The following TMEM200A variants were observed in gnomAD, a reference collection of about 807,000 sequenced individuals.
The protein encoded by TMEM200A is two transmembrane C.
TMEM200A carries 12 observed loss-of-function variants against 24.3 expected under a neutral mutation model. The ratio of observed to expected loss-of-function variants is 0.49; its 90% confidence interval spans 0.32 to 0.80. The LOEUF (loss-of-function observed/expected upper bound fraction) is 0.80, where lower values mean the gene tolerates loss of function less well. TMEM200A is among the 30% of genes least tolerant of loss of function. TMEM200A has a pLI of 0.04. For synonymous variants in TMEM200A, 224 were observed against 224.4 expected, an observed-to-expected ratio of 1.00 and a Z score of 0.02; for missense variants, 545 against 614.4, an observed-to-expected ratio of 0.89 and a Z score of 1.19.
chr6:130,408,151 A>G (rs1402724339), intron 2 of TMEM200A, among the ~76,000 whole-genome samples: 1 of 152,160 alleles, frequency 6.6e-6, no homozygotes, highest in Non-Finnish European at 1.5e-5. Flanking sequence ...AGTGGCCCAA[A>G]GGAAGGAGTT....
At chr6:130,367,349 C>T (rs919405709) in intron 1 of TMEM200A, among the ~76,000 whole-genome samples, 11 of 152,122 alleles carry the variant, frequency 7.2e-5, no homozygotes, top group African/African-American at 2.7e-4. Flanking sequence ...TAGTTATGGA[C>T]AACTGCATAG....
intron 2 of TMEM200A, among the ~76,000 whole-genome samples, chr6:130,419,236 C>T (rs1779525401): frequency 6.6e-6 from 1 of 152,176 alleles, no homozygotes; most frequent in African/African-American, 2.4e-5. Context: ...CATGTTGCTG[C>T]AGATGACATG....
intron 1 of TMEM200A, chr6:130,383,089 A>G (rs1778638450): frequency 1.0e-6 from 1 of 984,786 alleles, no homozygotes; most frequent in Non-Finnish European, 1.2e-6. Context: ...TTGCTCAGGC[A>G]TTATTAAATT....
At chr6:130,416,888 TTTCA>T (rs1205190527) in intron 2 of TMEM200A, among the ~76,000 whole-genome samples, 1 of 152,116 alleles carries the variant, frequency 6.6e-6, no homozygotes, top group Non-Finnish European at 1.5e-5. Context: ...CCACATTGTT[TTTCA>T]TTCATTTCTT....
At chr6:130,422,214 T>C (rs751222032) in intron 2 of TMEM200A, among the ~76,000 whole-genome samples, 40 of 152,152 alleles carry the variant, frequency 2.6e-4, no homozygotes, top group Non-Finnish European at 5.4e-4. Context: ...CCAGCACTTA[T>C]CTTTTGTCTT....
At chr6:130,393,418 C>T (rs377633760) in intron 2 of TMEM200A, among the ~76,000 whole-genome samples, 1 of 152,146 alleles carries the variant, frequency 6.6e-6, no homozygotes. Context: ...CAAATGTTGT[C>T]ACATCATTGC....
At chr6:130,432,270 G>A (rs921931670) in intron 2 of TMEM200A, among the ~76,000 whole-genome samples, 3 of 152,124 alleles carry the variant, frequency 2.0e-5, no homozygotes, top group African/African-American at 4.8e-5. Flanking sequence ...ATTGCATCAC[G>A]AAGTTAACTA....
intron 2 of TMEM200A, among the ~76,000 whole-genome samples, chr6:130,432,983 A>T (rs1419395348): frequency 6.6e-6 from 1 of 152,202 alleles, no homozygotes; most frequent in Non-Finnish European, 1.5e-5. Flanking sequence ...TATACTGTGT[A>T]TCAAAGAAGG....
At chr6:130,437,411 G>A (rs551113736) in intron 2 of TMEM200A, 1 of 152,236 alleles carries the variant, frequency 6.6e-6, no homozygotes, top group East Asian at 1.9e-4. Flanking sequence ...TCCTTCATTA[G>A]GTTTCAAGCT....
At chr6:130,382,005 A>C (rs1330697382) in intron 1 of TMEM200A, 1 of 978,448 alleles carries the variant, frequency 1.0e-6, no homozygotes, top group African/African-American at 1.8e-5. Flanking sequence ...AGTTTTAAAG[A>C]TATATTGTGA....
intron 2 of TMEM200A, among the ~76,000 whole-genome samples, chr6:130,422,522 C>T (rs923657911): frequency 2.6e-5 from 4 of 152,256 alleles, no homozygotes; most frequent in African/African-American, 9.6e-5. Context: ...CTGCCTCGGC[C>T]TCCCAAAGTG....
At chr6:130,381,461 A>G (rs760695433) in intron 1 of TMEM200A, among the ~76,000 whole-genome samples, 1 of 152,148 alleles carries the variant, frequency 6.6e-6, no homozygotes, top group Non-Finnish European at 1.5e-5. Context: ...TTTCCTGATG[A>G]GAGAGGATAT....
intron 2 of TMEM200A, among the ~76,000 whole-genome samples, chr6:130,401,724 T>G (rs1254548252): frequency 6.6e-6 from 1 of 152,028 alleles, no homozygotes; most frequent in African/African-American, 2.4e-5. Context: ...CACTTCACAC[T>G]TTTTCCATAC....
Position 130,442,757 on chromosome 6 carries a change from C to T in TMEM200A, c.*859C>T, listed in dbSNP as rs1562171194. 6.0e-6 allele frequency: 1 copy of T among 166,950 alleles called. No individual in the cohort carries two copies. The highest frequency in any genetic ancestry group is 1.5e-5 in the Non-Finnish European group (1 of 68,080). 10.3% of individuals were successfully genotyped at this position (166,950 alleles called of 1,614,324 possible). ...TAGTTAATGCTAACTAGTCTCAGTA[C>T]CTGTTTTTAGCCATCTGTTACTGTC... On this transcript the variant is annotated 3_prime_UTR_variant, in exon 3 of 3. Transcript: ENST00000296978.
Position 130,426,460 on chromosome 6 carries a change from G to GCCC in TMEM200A, c.-16-13938_-16-13936dup, listed in dbSNP as rs762866765. On this transcript the variant is annotated intron_variant, in intron 2 of 2. Transcript: ENST00000296978. ...GTTAAGGAGAAGAATCCTTTCTGCA[G>GCCC]CCCCCCCCCCCTCAGTTTCCCTTCA... Among the ~76,000 whole-genome samples the GCCC allele has an allele frequency of 1.4e-3, 204 of 141,278 alleles. 2 individuals carry two copies. Among genetic ancestry groups the GCCC allele is most frequent in the African/African-American group, 4.8e-3 (184 of 38,522 alleles). 92.7% of individuals were successfully genotyped at this position (141,278 alleles called of 152,430 possible).
At chr6:130,387,382 C>G (rs1307854536) in intron 2 of TMEM200A, among the ~76,000 whole-genome samples, 1 of 152,102 alleles carries the variant, frequency 6.6e-6, no homozygotes, top group Non-Finnish European at 1.5e-5. Context: ...AAGTGATTCT[C>G]CCACCTCAGC....
At chr6:130,408,123 C>T (rs898624109) in intron 2 of TMEM200A, among the ~76,000 whole-genome samples, 14 of 152,036 alleles carry the variant, frequency 9.2e-5, no homozygotes, top group African/African-American at 1.9e-4. Flanking sequence ...AAAAGTGCCC[C>T]GTAGTGCACA....
At chr6:130,424,047 A>G (rs1420431399) in intron 2 of TMEM200A, among the ~76,000 whole-genome samples, 1 of 152,160 alleles carries the variant, frequency 6.6e-6, no homozygotes, top group Non-Finnish European at 1.5e-5. Flanking sequence ...CATATTTTTA[A>G]AATTTTTTCT....
rs1778421856 is a variant in TMEM200A at position 130,375,149 on chromosome 6, CTCAG to C, written c.-81+8631_-81+8634del. 3.9e-5 allele frequency among the ~76,000 whole-genome samples: 6 copies of C among 152,234 alleles called. No homozygotes were observed. In the South Asian group the frequency reaches 1.2e-3, roughly 32 times the overall value. ...AATAACTCTATTCTCCTTTATGGAT[CTCAG>C]TCAGTAATTTTGAACAAAATTATTT... is the stretch of plus-strand genomic sequence containing the variant. On this transcript the variant is annotated intron_variant, in intron 1 of 2. Coordinates refer to ENST00000296978, the MANE Select transcript of TMEM200A (RefSeq NM_001258277.2).
Sources: gnomAD v4.1 joint callset for allele counts (sites outside exome capture counted in the v4.1 genomes callset) on GRCh38, gnomAD v4.1.1 for gene constraint, MANE v1.5 for transcripts, NCBI Gene and HGNC (gene_info 2026-07-23, HGNC 2026-07-21) for gene names.